Variants in CHL1 observed in about 807,000 individuals in gnomAD.
CHL1 encodes the protein cell adhesion molecule L1 like, also known as neural cell adhesion molecule L1-like protein.
In CHL1, 96 loss-of-function variants were observed where a neutral mutation model predicts 141.9. That is an observed-to-expected ratio of 0.68 (90% CI 0.57 to 0.80). The LOEUF is 0.80. Ranked by LOEUF, CHL1 falls within the 30% of genes least tolerant of loss-of-function variation. The probability of loss-of-function intolerance (pLI) is 0.00; values close to 1 mark genes in which losing one functional copy is unlikely to be tolerated. For synonymous variants in CHL1, 613 were observed against 502.2 expected, an observed-to-expected ratio of 1.22 and a Z score of -2.95; for missense variants, 1,820 against 1,457.2, an observed-to-expected ratio of 1.25 and a Z score of -4.05.
intron 2 of CHL1, among the ~76,000 whole-genome samples, chr3:311,707 G>C (rs1462955257): frequency 6.6e-6 from 1 of 152,176 alleles, no homozygotes; most frequent in African/African-American, 2.4e-5. Flanking sequence ...GTGACTGAAA[G>C]TCCTTAAGAA....
At chr3:266,203 G>C (rs1254599948) in intron 2 of CHL1, among the ~76,000 whole-genome samples, 2 of 152,172 alleles carry the variant, frequency 1.3e-5, no homozygotes, top group Non-Finnish European at 2.9e-5. Context: ...GCAGCAACAA[G>C]AGTAGTCAGC....
chr3:311,127 A>C (rs971580630), intron 2 of CHL1, among the ~76,000 whole-genome samples: 34 of 152,174 alleles, frequency 2.2e-4, no homozygotes, highest in Admixed American at 1.8e-3. Flanking sequence ...TTACCTACCA[A>C]AGAATATCTT....
chr3:241,496 G>C (rs904639074), intron 1 of CHL1, among the ~76,000 whole-genome samples: 4 of 152,034 alleles, frequency 2.6e-5, no homozygotes, highest in African/African-American at 9.7e-5. Flanking sequence ...TGGGTAGGTT[G>C]TTTGCTGAGT....
chr3:198,362 C>T (rs1369314932), intron 1 of CHL1, among the ~76,000 whole-genome samples: 1 of 151,846 alleles, frequency 6.6e-6, no homozygotes, highest in Non-Finnish European at 1.5e-5. Flanking sequence ...CGCGCTCCCG[C>T]GGGAACGCGC....
At position 229,141 on chromosome 3, in the gene CHL1, T is replaced by A. The variant is rs191071327; in HGVS notation, c.-174-15472T>A. On this transcript the variant is annotated intron_variant, in intron 1 of 27. Coordinates refer to ENST00000256509, the MANE Select transcript of CHL1 (RefSeq NM_006614.4). ...CCCCATGTGTTGTTTCCAAGGGGACTCTGCTTTCTATTTTAAGGTGGTGTT... is the reference window on the plus strand; with the variant it reads ...CCCCATGTGTTGTTTCCAAGGGGACACTGCTTTCTATTTTAAGGTGGTGTT... Among the ~76,000 whole-genome samples the A allele has an allele frequency of 2.0e-5, 3 of 152,376 alleles. No homozygotes were observed. In the East Asian group the frequency reaches 5.8e-4, roughly 29 times the overall value.
At chr3:404,374 A>G (rs1405500144) in intron 27 of CHL1, among the ~76,000 whole-genome samples, 1 of 152,170 alleles carries the variant, frequency 6.6e-6, no homozygotes, top group Non-Finnish European at 1.5e-5. Flanking sequence ...CATCCAAATT[A>G]TATTTTTTCC....
At chr3:364,649 C>T (rs1387696755) in intron 14 of CHL1, among the ~76,000 whole-genome samples, 4 of 151,320 alleles carry the variant, frequency 2.6e-5, no homozygotes, top group Non-Finnish European at 5.9e-5. Flanking sequence ...TTTTTTTTTA[C>T]ATATACAAAA....
At chr3:272,130 C>T (rs1174451495) in intron 2 of CHL1, among the ~76,000 whole-genome samples, 1 of 152,040 alleles carries the variant, frequency 6.6e-6, no homozygotes, top group Non-Finnish European at 1.5e-5. Flanking sequence ...ATTCTTGTTT[C>T]AATTAATTAG....
chr3:285,846 A>G (rs750800440), intron 2 of CHL1, among the ~76,000 whole-genome samples: 12 of 152,284 alleles, frequency 7.9e-5, no homozygotes, highest in African/African-American at 9.6e-5. Context: ...ATGAAAAAAA[A>G]AATGTGCCTG....
intron 15 of CHL1, among the ~76,000 whole-genome samples, chr3:367,438 C>A (rs1367749242): frequency 1.3e-5 from 2 of 152,184 alleles, no homozygotes; most frequent in Non-Finnish European, 2.9e-5. Context: ...CTTAGACAAG[C>A]TGCTTAACAT....
intron 2 of CHL1, among the ~76,000 whole-genome samples, chr3:316,056 A>G (rs1255800035): frequency 6.6e-6 from 1 of 151,962 alleles, no homozygotes. Flanking sequence ...TGTGCAGAAA[A>G]GGCTTGCCAC....
intron 2 of CHL1, among the ~76,000 whole-genome samples, chr3:295,832 G>A (rs1698139345): frequency 1.3e-5 from 2 of 152,186 alleles, no homozygotes; most frequent in Admixed American, 6.5e-5. Flanking sequence ...AGCCTGTCCA[G>A]TGAGCAGGGT....
intron 1 of CHL1, among the ~76,000 whole-genome samples, chr3:203,819 T>C (rs1699169299): frequency 6.6e-6 from 1 of 152,198 alleles, no homozygotes; most frequent in Admixed American, 6.5e-5. Context: ...TAGTGGTTTG[T>C]GGAGGTCAGT....
At chr3:219,264 G>A (rs1574739787) in intron 1 of CHL1, among the ~76,000 whole-genome samples, 1 of 152,152 alleles carries the variant, frequency 6.6e-6, no homozygotes, top group Non-Finnish European at 1.5e-5. Context: ...AGACAGTGTG[G>A]TGACTCCTCA....
intron 2 of CHL1, among the ~76,000 whole-genome samples, chr3:253,302 C>G (rs568200039): frequency 3.9e-5 from 6 of 152,034 alleles, no homozygotes; most frequent in Admixed American, 6.6e-5. Flanking sequence ...GAGGATGGGA[C>G]AGTTAATGCG....
intron 2 of CHL1, among the ~76,000 whole-genome samples, chr3:314,329 G>GTGTATATATA (rs1455318071): frequency 2.4e-4 from 16 of 65,328 alleles, no homozygotes; most frequent in Admixed American, 1.2e-3. Flanking sequence ...CTCTCTATGT[G>GTGTATATATA]TATATATATA....
chr3:361,799 A>G lies in CHL1; in HGVS notation c.1407A>G (p.Ala469=). Residue 469 remains alanine (A), a synonymous_variant, in exon 13 of 28, where the codon GCA becomes GCG. Transcript: ENST00000256509. ...GCGAGTTCTTTGCTTCACCTGAGGC[A>G]GTCGTGTCCTGGTAAGCCGGTGGCT... ...LHCEFFASPE[A]VVSWQKVEEV... is the part of the protein sequence containing the mutation. The G allele has an allele frequency of 1.9e-6, 3 of 1,609,980 alleles. No homozygotes were observed. The highest frequency in any genetic ancestry group is 2.6e-6 in the Non-Finnish European group (3 of 1,176,340).
rs546558389 is a variant in CHL1 at position 355,387 on chromosome 3, G to A, written c.1165+616G>A. Among the ~76,000 whole-genome samples, 7 of 152,308 alleles carry A rather than the reference G, an allele frequency of 4.6e-5. No homozygotes were observed. In the South Asian group the frequency reaches 1.4e-3, roughly 32 times the overall value. ...GCCCACTCCAAATGGGCTGGGCGGGGAAAGACAGGAATGGCCCAGCACTGA... is the reference window on the plus strand; with the variant it reads ...GCCCACTCCAAATGGGCTGGGCGGGAAAAGACAGGAATGGCCCAGCACTGA... On this transcript the variant is annotated intron_variant, in intron 11 of 27. Transcript: ENST00000256509.
intron 3 of CHL1, among the ~76,000 whole-genome samples, chr3:322,823 CT>C (rs1472934427): frequency 1.3e-5 from 2 of 150,886 alleles, no homozygotes; most frequent in East Asian, 3.9e-4. Context: ...CAGCCTGGCA[CT>C]GGCATCAAAT....
Sources: gnomAD v4.1 joint callset for allele counts (sites outside exome capture counted in the v4.1 genomes callset) on GRCh38, gnomAD v4.1.1 for gene constraint, MANE v1.5 for transcripts, NCBI Gene and HGNC (gene_info 2026-07-23, HGNC 2026-07-21) for gene names.